Variants in IL1RL1 observed in about 807,000 individuals in gnomAD.
The protein encoded by IL1RL1 is interleukin 1 receptor like 1.
IL1RL1 carries 32 observed loss-of-function variants against 50.9 expected under a neutral mutation model. The ratio of observed to expected loss-of-function variants is 0.63; its 90% confidence interval spans 0.47 to 0.84. IL1RL1 has a LOEUF of 0.84. Among genes scored for constraint, IL1RL1 ranks in the 40% least tolerant of loss-of-function variants. The pLI is 0.00. For synonymous variants in IL1RL1, 275 were observed against 236.0 expected, an observed-to-expected ratio of 1.17 and a Z score of -1.51; for missense variants, 773 against 662.9, an observed-to-expected ratio of 1.17 and a Z score of -1.82.
Position 102,343,261 on chromosome 2 carries a change from C to T in IL1RL1, c.825-9C>T, listed in dbSNP as rs769555931. 6.2e-7 allele frequency: 1 copy of T among 1,614,148 alleles called. No individual in the cohort carries two copies. Among genetic ancestry groups the T allele is most frequent in the Non-Finnish European group, 8.5e-7 (1 of 1,180,018 alleles). ...AGTAGGCATTAAAAGTAACAGGTTG[C>T]TTTCTTAGTTTCAGCAATGGGCTGG... On this transcript the variant is annotated splice_polypyrimidine_tract_variant and intron_variant, in intron 7 of 10. Transcript: ENST00000233954.
intron 8 of IL1RL1, 96 bp from the exon 9 acceptor site, chr2:102,347,849 A>G (rs1036508125): frequency 1.4e-5 from 10 of 701,842 alleles, no homozygotes; most frequent in Middle Eastern, 4.1e-4. Context: ...ATCTTATGTG[A>G]AATTCTTGTA....
At chr2:102,344,617 G>C (rs1677712423) in intron 8 of IL1RL1, 1 of 298,758 alleles carries the variant, frequency 3.3e-6, no homozygotes, top group African/African-American at 2.3e-5. Context: ...GCTCCATGAG[G>C]GCAGGGACAT....
chr2:102,328,826 A>G (rs1018240243), intron 1 of IL1RL1, among the ~76,000 whole-genome samples: 1 of 152,216 alleles, frequency 6.6e-6, no homozygotes, highest in African/African-American at 2.4e-5. Context: ...CCACTGCTCA[A>G]TGAAATAAAG....
chr2:102,332,359 C>T (rs1420102), intron 1 of IL1RL1, among the ~76,000 whole-genome samples: 74,954 of 151,936 alleles, frequency 0.49, 18,648 homozygotes, highest in Middle Eastern at 0.64. Flanking sequence ...ACTTGGACAC[C>T]GATAGCAGCA....
chr2:102,317,724 C>A (rs1676718321), intron 1 of IL1RL1, among the ~76,000 whole-genome samples: 2 of 151,974 alleles, frequency 1.3e-5, no homozygotes. Context: ...TAAACTCAAC[C>A]ATAGACCATT....
intron 1 of IL1RL1, among the ~76,000 whole-genome samples, chr2:102,335,543 G>T (rs1489968649): frequency 2.0e-5 from 3 of 152,118 alleles, no homozygotes; most frequent in African/African-American, 7.2e-5. Flanking sequence ...ACAGAGTATT[G>T]TACTTTGAAT....
At chr2:102,322,819 C>T (rs1202379034) in intron 1 of IL1RL1, among the ~76,000 whole-genome samples, 1 of 152,104 alleles carries the variant, frequency 6.6e-6, no homozygotes, top group Non-Finnish European at 1.5e-5. Flanking sequence ...ATCAAATTTC[C>T]ACATACTCTC....
chr2:102,352,136 C>A (rs1438811468), downstream of IL1RL1: 2 of 498,566 alleles, frequency 4.0e-6, no homozygotes, highest in South Asian at 6.9e-5. Flanking sequence ...CCTCCAGCCA[C>A]CATTTTCTTC....
rs1450563083 is a variant in IL1RL1, at chr2:102,349,260, C to A, written c.1285+14C>A. 1 of 1,608,254 alleles carries A rather than the reference C, an allele frequency of 6.2e-7. No homozygotes were observed. Among genetic ancestry groups the A allele is most frequent in the East Asian group, 2.2e-5 (1 of 44,828 alleles). ...TACCTGGAGAAGGTAAAGCTATTGA[C>A]ATACATTAGGGACAGAAATTCATGC... is the stretch of plus-strand genomic sequence containing the variant. On this transcript the variant is annotated intron_variant, in intron 10 of 10. Transcript: ENST00000233954.
At chr2:102,330,990 T>A (rs1035371278) in intron 1 of IL1RL1, among the ~76,000 whole-genome samples, 5 of 152,210 alleles carry the variant, frequency 3.3e-5, no homozygotes, top group African/African-American at 1.2e-4. Flanking sequence ...TCATTATGTG[T>A]CGAAGGCAGT....
chr2:102,343,689 T>C (rs972549643), intron 8 of IL1RL1: 2 of 1,360,106 alleles, frequency 1.5e-6, no homozygotes, highest in Non-Finnish European at 1.9e-6. Context: ...TCATCCTTGT[T>C]TTCTAACTTT....
At position 102,348,090 on chromosome 2, in the gene IL1RL1, T is replaced by A. The variant is rs1338587424; in HGVS notation, c.1116T>A (p.Asn372Lys). The A allele has an allele frequency of 6.2e-7, 1 of 1,607,686 alleles. No individual in the cohort carries two copies. The highest frequency in any genetic ancestry group is 1.7e-5 in the Admixed American group (1 of 58,766). ...RDIAKPYKTR[N>K]DGKLYDAYVV... ...TAGCTAAACCTTACAAGACTAGGAA[T>A]GGTAAGTGGCAAATACCAAGTTTTT... The change falls in exon 9 of 11, where the codon AAT becomes AAA. Residue 372 changes from asparagine to lysine, a missense_variant and splice_region_variant. Coordinates refer to ENST00000233954, the MANE Select transcript of IL1RL1 (RefSeq NM_016232.5).
chr2:102,340,122 T>C lies in IL1RL1; in HGVS notation c.297T>C (p.Tyr99=). The C allele has an allele frequency of 6.3e-7, 1 of 1,576,792 alleles. No homozygotes were observed. Among genetic ancestry groups the C allele is most frequent in the East Asian group, 2.3e-5 (1 of 43,670 alleles). The change falls in exon 4 of 11, where the codon TAT becomes TAC. Residue 99 remains tyrosine (Y), a synonymous_variant. Transcript: ENST00000233954. ...GTCCCACATTCAATAGGACTGGATA[T>C]GCGAATGTCACCATATATAAAAAAC... is the stretch of plus-strand genomic sequence containing the variant. The part of the protein sequence containing the change: ...VRSPTFNRTG[Y]ANVTIYKKQS...
chr2:102,320,547 A>G (rs935413753), intron 1 of IL1RL1, among the ~76,000 whole-genome samples: 1 of 152,144 alleles, frequency 6.6e-6, no homozygotes. Context: ...ATGGGTTCAC[A>G]TCTCCAGTTT....
rs931255538 is a variant in IL1RL1, at chr2:102,343,188, A to G, written c.824+11A>G. On this transcript the variant is annotated intron_variant, in intron 7 of 10. Coordinates refer to ENST00000233954, the MANE Select transcript of IL1RL1 (RefSeq NM_016232.5). ...AGGGCAAAATCAAAGGTATTTTTAT[A>G]TTGAAGAGAACCATCCTCTTCCCCT... 8 of 1,613,996 alleles carry G rather than the reference A, an allele frequency of 5.0e-6. No homozygotes were observed. The Admixed American group carries it at 6.7e-5, about 13-fold the overall frequency.
At chr2:102,332,083 A>AATG (rs1677193009) in intron 1 of IL1RL1, among the ~76,000 whole-genome samples, 1 of 152,140 alleles carries the variant, frequency 6.6e-6, no homozygotes, top group African/African-American at 2.4e-5. Context: ...TAATAATAAT[A>AATG]ATGATAATAA....
intron 1 of IL1RL1, among the ~76,000 whole-genome samples, chr2:102,336,819 C>A (rs1164911795): frequency 1.3e-5 from 2 of 152,094 alleles, no homozygotes; most frequent in African/African-American, 4.8e-5. Context: ...CCAGAAAGTG[C>A]TGCTTACTTC....
intron 8 of IL1RL1, chr2:102,345,219 G>A: frequency 1.0e-6 from 1 of 985,066 alleles, no homozygotes; most frequent in Non-Finnish European, 1.2e-6. Flanking sequence ...CACAGAGGTG[G>A]ACTGATCCTT....
chr2:102,319,058 C>T (rs775051079), intron 1 of IL1RL1, among the ~76,000 whole-genome samples: 8 of 152,002 alleles, frequency 5.3e-5, no homozygotes, highest in Non-Finnish European at 7.4e-5. Context: ...TAAATCAGCT[C>T]GGAAAACTCA....
Sources: allele counts gnomAD v4.1 joint callset (sites outside exome capture counted in the v4.1 genomes callset), GRCh38; gene constraint gnomAD v4.1.1; transcripts MANE v1.5; gene names NCBI Gene and HGNC (gene_info 2026-07-23, HGNC 2026-07-21).